The following ZNF319 variants were observed in gnomAD, a reference collection of about 807,000 sequenced individuals.
ZNF319 encodes zinc finger protein 319.
In ZNF319, 15 loss-of-function variants were observed where a neutral mutation model predicts 46.0. That is an observed-to-expected ratio of 0.33 (90% CI 0.22 to 0.50). The LOEUF (loss-of-function observed/expected upper bound fraction) is 0.50, where lower values mean the gene tolerates loss of function less well. Ranked by LOEUF, ZNF319 falls within the 20% of genes least tolerant of loss-of-function variation. The pLI is 0.98. For synonymous variants in ZNF319, 368 were observed against 364.0 expected, an observed-to-expected ratio of 1.01 and a Z score of -0.13; for missense variants, 635 against 807.0, an observed-to-expected ratio of 0.79 and a Z score of 2.58.
chr16:57,994,838 T>G lies in ZNF319; in HGVS notation c.*1679A>C, dbSNP rs1962982039. ...CATGAAATTAAACTCTACAATGTTA[T>G]GAATAGTATAACAAACTGCTTTCAG... On this transcript the variant is annotated 3_prime_UTR_variant, in exon 2 of 2. Coordinates refer to ENST00000299237, the MANE Select transcript of ZNF319 (RefSeq NM_020807.3). 1 of 152,246 alleles carries G rather than the reference T, an allele frequency of 6.6e-6. No individual in the cohort carries two copies. The highest frequency in any genetic ancestry group is 6.5e-5 in the Admixed American group (1 of 15,284). 9.4% of individuals were successfully genotyped at this position (152,246 alleles called of 1,614,324 possible). A position where few individuals can be genotyped will look rare whatever the true frequency, so the allele number is the denominator to read the frequency against.
rs765205489 is a variant in ZNF319 at position 57,997,972 on chromosome 16, C to T, written c.294G>A (p.Ala98=). The T allele has an allele frequency of 3.7e-6, 6 of 1,613,404 alleles. No homozygotes were observed. The African/African-American group carries it at 5.3e-5, about 14-fold the overall frequency. The change falls in exon 2 of 2, where the codon GCG becomes GCA. Residue 98 remains alanine (A), a synonymous_variant. Coordinates refer to ENST00000299237, the MANE Select transcript of ZNF319 (RefSeq NM_020807.3). ...LSSPHEHQCL[A]GHDRSFQCTQ... ...TGCACTGGAATGAGCGGTCATGGCCCGCCAGACACTGGTGCTCATGCGGAC... is the reference window on the plus strand; with the variant it reads ...TGCACTGGAATGAGCGGTCATGGCCTGCCAGACACTGGTGCTCATGCGGAC...
Position 57,997,508 on chromosome 16 carries a change from C to T in ZNF319, c.758G>A (p.Ser253Asn). The change falls in exon 2 of 2, where the codon AGC (serine) becomes AAC (asparagine). Residue 253 changes from serine to asparagine, a missense_variant. Coordinates refer to ENST00000299237, the MANE Select transcript of ZNF319 (RefSeq NM_020807.3). ...TGCGCACTTGTAGGGCCGCTCGGAG[C>T]TGTGCGTGCGCTTGTGGTGCACCAG... ...SHLVHHKRTH[S>N]SERPYKCAVC... The T allele has an allele frequency of 6.2e-7, 1 of 1,613,904 alleles. No individual in the cohort carries two copies. Among genetic ancestry groups the T allele is most frequent in the Non-Finnish European group, 8.5e-7 (1 of 1,179,896 alleles).
rs1963016096 is a variant in ZNF319 at position 57,996,514 on chromosome 16, G to C, written c.*3C>G. On this transcript the variant is annotated 3_prime_UTR_variant, in exon 2 of 2. Coordinates refer to ENST00000299237, the MANE Select transcript of ZNF319 (RefSeq NM_020807.3). ...CAGGCTGGTAGGGGCCACAGCCGCA[G>C]AGTCAGGGCAGGCAGGCGGCTACCT... 6.6e-7 allele frequency: 1 copy of C among 1,520,728 alleles called. No homozygotes were observed. Among genetic ancestry groups the C allele is most frequent in the African/African-American group, 1.4e-5 (1 of 72,606 alleles). The allele number at this position is 1,520,728 out of a possible 1,614,324, so 94.2% of individuals were successfully genotyped here.
chr16:57,996,139 T>G lies in ZNF319; in HGVS notation c.*378A>C. 11 of 237,314 alleles carry G rather than the reference T, an allele frequency of 4.6e-5. No homozygotes were observed. Among genetic ancestry groups the G allele is most frequent in the Middle Eastern group, 1.4e-3 (1 of 738 alleles). 14.7% of individuals were successfully genotyped at this position (237,314 alleles called of 1,614,324 possible). ...CCTATGTGGCTGCTAGCTTGAAAGA[T>G]ATGGGAAGGTTGGGCTGGCATCACA... On this transcript the variant is annotated 3_prime_UTR_variant, in exon 2 of 2. Transcript: ENST00000299237.
rs1175852709 is a variant in ZNF319, at chr16:57,997,235, T to C, written c.1031A>G (p.Lys344Arg). The C allele has an allele frequency of 6.2e-6, 10 of 1,612,924 alleles. No individual in the cohort carries two copies. The highest frequency in any genetic ancestry group is 7.6e-6 in the Non-Finnish European group (9 of 1,179,886). Residue 344 changes from lysine to arginine, a missense_variant, in exon 2 of 2, where the codon AAG becomes AGG. Coordinates refer to ENST00000299237, the MANE Select transcript of ZNF319 (RefSeq NM_020807.3). ...GAAGCCCATGGGGCACAGGTCGCAC[T>C]TGAAGGGCCGCTCGGCGCTGTGTGT... is the stretch of plus-strand genomic sequence containing the variant. ...ERTHSAERPF[K>R]CDLCPMGFKQ... is the part of the protein sequence containing the mutation.
rs201171999 is a variant in ZNF319, at chr16:57,997,153, G to A, written c.1113C>T (p.Phe371=). The change falls in exon 2 of 2, where the codon TTC becomes TTT. Residue 371 remains phenylalanine, a synonymous_variant. Coordinates refer to ENST00000299237, the MANE Select transcript of ZNF319 (RefSeq NM_020807.3). ...HRRTHKTEEP[F]KCGLCEKGFG... The stretch of plus-strand genomic sequence containing the variant: ...AGCCCTTCTCACATAGGCCGCATTT[G>A]AAGGGCTCCTCGGTCTTGTGTGTGC... The A allele has an allele frequency of 6.2e-7, 1 of 1,614,004 alleles. No individual in the cohort carries two copies. Among genetic ancestry groups the A allele is most frequent in the African/African-American group, 1.3e-5 (1 of 75,038 alleles).
chr16:57,998,458 T>C lies in ZNF319; in HGVS notation c.-193A>G, dbSNP rs552220121. The C allele has an allele frequency of 4.8e-6, 4 of 824,854 alleles. No homozygotes were observed. The highest frequency in any genetic ancestry group is 3.4e-5 in the African/African-American group (2 of 58,320). 51.1% of individuals were successfully genotyped at this position (824,854 alleles called of 1,614,324 possible). Reference sequence around the variant, plus strand: ...ACTACAAGGCTCTGCCTACAGGACATGGGGGCTCTTCAAGGGAGGGTCCCA... The same window carrying C: ...ACTACAAGGCTCTGCCTACAGGACACGGGGGCTCTTCAAGGGAGGGTCCCA... On this transcript the variant is annotated 5_prime_UTR_variant, in exon 2 of 2. The change abolishes an upstream ATG in the 5' untranslated region. Transcript: ENST00000299237.
rs753467931 is a variant in ZNF319 at position 57,997,998 on chromosome 16, T to C, written c.268A>G (p.Ser90Gly). The change falls in exon 2 of 2, where the codon AGT becomes GGT. Residue 90 changes from serine to glycine, a missense_variant. Coordinates refer to ENST00000299237, the MANE Select transcript of ZNF319 (RefSeq NM_020807.3). ...GCCAGACACTGGTGCTCATGCGGACTGGACAGGTGCGCCAGGTCGTGACCA... is the reference window on the plus strand; with the variant it reads ...GCCAGACACTGGTGCTCATGCGGACCGGACAGGTGCGCCAGGTCGTGACCA... ...VCGHDLAHLS[S>G]PHEHQCLAGH... is the part of the protein sequence containing the mutation. The C allele has an allele frequency of 6.8e-6, 11 of 1,613,214 alleles. No individual in the cohort carries two copies. The South Asian group carries it at 9.9e-5, about 14-fold the overall frequency.
In ZNF319 at chr16:57,995,581, G is replaced by C. The variant is rs560364210; in HGVS notation, c.*936C>G. 6.5e-6 allele frequency: 1 copy of C among 152,906 alleles called. No homozygotes were observed. The highest frequency in any genetic ancestry group is 1.5e-5 in the Non-Finnish European group (1 of 68,144). 9.5% of individuals were successfully genotyped at this position (152,906 alleles called of 1,614,324 possible). A position where few individuals can be genotyped will look rare whatever the true frequency, so the allele number is the denominator to read the frequency against. On this transcript the variant is annotated 3_prime_UTR_variant, in exon 2 of 2. Transcript: ENST00000299237. ...TGACGCTTTGGTTCACACAATTCAGGGGAGGACACTTGTTTGCATCTGCTG... is the reference window on the plus strand; with the variant it reads ...TGACGCTTTGGTTCACACAATTCAGCGGAGGACACTTGTTTGCATCTGCTG...
In ZNF319 at chr16:57,997,106, A is replaced by C; in HGVS notation, c.1160T>G (p.Leu387Arg). The C allele has an allele frequency of 6.2e-7, 1 of 1,614,054 alleles. No individual in the cohort carries two copies. Residue 387 changes from leucine to arginine, a missense_variant, in exon 2 of 2, where the codon CTC becomes CGC. Transcript: ENST00000299237. ...EKGFGQPSHL[L>R]YHQHVHTLET... ...GAGGGTGTGCACGTGCTGGTGGTAGAGCAGGTGGCTGGGCTGCCCAAAGCC... is the reference window on the plus strand; with the variant it reads ...GAGGGTGTGCACGTGCTGGTGGTAGCGCAGGTGGCTGGGCTGCCCAAAGCC...
Position 57,996,494 on chromosome 16 carries a change from TGGTAGGGGCCACA to T in ZNF319, c.*10_*22del. 2.0e-6 allele frequency: 3 copies of T among 1,495,840 alleles called. No individual in the cohort carries two copies. The highest frequency in any genetic ancestry group is 8.9e-7 in the Non-Finnish European group (1 of 1,126,520). 92.7% of individuals were successfully genotyped at this position (1,495,840 alleles called of 1,614,324 possible). A position where few individuals can be genotyped will look rare whatever the true frequency, so the allele number is the denominator to read the frequency against. On this transcript the variant is annotated 3_prime_UTR_variant, in exon 2 of 2. Transcript: ENST00000299237. ...CCCACGGCGCCGACTCAGGTCAGGC[TGGTAGGGGCCACA>T]GCCGCAGAGTCAGGGCAGGCAGGCG... is the stretch of plus-strand genomic sequence containing the variant.
chr16:57,997,858 G>T lies in ZNF319; in HGVS notation c.408C>A (p.Val136=). ...QAEQKPFVCG[V]CKMGFSLLTS... is the part of the protein sequence containing the mutation. ...TGAGTAGTGAGAAGCCCATCTTGCA[G>T]ACCCCACAGACGAAGGGCTTCTGCT... is the stretch of plus-strand genomic sequence containing the variant. Residue 136 remains valine, a synonymous_variant, in exon 2 of 2, where the codon GTC becomes GTA. Coordinates refer to ENST00000299237, the MANE Select transcript of ZNF319 (RefSeq NM_020807.3). 1 of 1,613,122 alleles carries T rather than the reference G, an allele frequency of 6.2e-7. No individual in the cohort carries two copies. The highest frequency in any genetic ancestry group is 8.5e-7 in the Non-Finnish European group (1 of 1,180,042).
rs3743557 is a variant in ZNF319 at position 57,998,134 on chromosome 16, G to C, written c.132C>G (p.Pro44=). 2.6e-4 allele frequency: 418 copies of C among 1,593,866 alleles called. 5 individuals carry two copies. The East Asian group carries it at 9.1e-3, about 35-fold the overall frequency. ...HTLPPGTAEN[P]LGCAVYGILL... is the part of the protein sequence containing the mutation. ...GGATGCCATAGACGGCACAGCCCAG[G>C]GGGTTCTCCGCCGTGCCCGGAGGCA... The change falls in exon 2 of 2, where the codon CCC becomes CCG. Residue 44 remains proline, a synonymous_variant. Transcript: ENST00000299237.
Position 57,997,410 on chromosome 16 carries a change from GGT to G in ZNF319, c.854_855del (p.His285ProfsTer49). On this transcript the variant is annotated frameshift_variant, in exon 2 of 2. Coordinates refer to ENST00000299237, the MANE Select transcript of ZNF319 (RefSeq NM_020807.3). LOFTEE classifies it high-confidence loss of function. ...AACTCGCACACGTTGCAGCGGAACA[GGT>G]GGTGCTCGCCCGAGTGCGCGTACAT... ...RHMYAHSGEH[H>X]LFRCNVCELH... The G allele has an allele frequency of 6.2e-7, 1 of 1,612,586 alleles. No homozygotes were observed.
In ZNF319 at chr16:57,996,376, C is replaced by G. The variant is rs1433009231; in HGVS notation, c.*141G>C. ...ACCCTCTCCCTGCCTCATACCCCTG[C>G]GTCCTCACTCCCGAGGTCTCAGAAC... On this transcript the variant is annotated 3_prime_UTR_variant, in exon 2 of 2. Coordinates refer to ENST00000299237, the MANE Select transcript of ZNF319 (RefSeq NM_020807.3). 7.1e-7 allele frequency: 1 copy of G among 1,418,310 alleles called. No homozygotes were observed. The highest frequency in any genetic ancestry group is 9.2e-7 in the Non-Finnish European group (1 of 1,086,550). The allele number at this position is 1,418,310 out of a possible 1,614,324, so 87.9% of individuals were successfully genotyped here. A position where few individuals can be genotyped will look rare whatever the true frequency, so the allele number is the denominator to read the frequency against.
In ZNF319 at chr16:57,995,708, C is replaced by A. The variant is rs888787556; in HGVS notation, c.*809G>T. The A allele has an allele frequency of 1.3e-5, 2 of 152,506 alleles. No individual in the cohort carries two copies. Among genetic ancestry groups the A allele is most frequent in the Non-Finnish European group, 2.9e-5 (2 of 68,072 alleles). 9.4% of individuals were successfully genotyped at this position (152,506 alleles called of 1,614,324 possible). On this transcript the variant is annotated 3_prime_UTR_variant, in exon 2 of 2. Transcript: ENST00000299237. ...CTGTCTGCTGAGAGCACGGCACATT[C>A]CCCACCACACCTAGGAACTGCACTA...
At position 57,996,333 on chromosome 16, in the gene ZNF319, C is replaced by A. The variant is rs941050800; in HGVS notation, c.*184G>T. On this transcript the variant is annotated 3_prime_UTR_variant, in exon 2 of 2. Coordinates refer to ENST00000299237, the MANE Select transcript of ZNF319 (RefSeq NM_020807.3). The stretch of plus-strand genomic sequence containing the variant: ...GGCCGCCCGCACTGCCCGCTGGTGC[C>A]AGGAGTACGAGCGGCACACCCTCTC... 3.2e-6 allele frequency: 4 copies of A among 1,258,652 alleles called. No individual in the cohort carries two copies. In the African/African-American group the frequency reaches 6.1e-5, roughly 19 times the overall value. The allele number at this position is 1,258,652 out of a possible 1,614,324, so 78.0% of individuals were successfully genotyped here.
chr16:57,995,664 G>C lies in ZNF319; in HGVS notation c.*853C>G, dbSNP rs1446349406. ...AGCCTCAGGTGGGCTGACAATCCCT[G>C]CCTTTCACACCAGCAGTTCTGTCTG... On this transcript the variant is annotated 3_prime_UTR_variant, in exon 2 of 2. Coordinates refer to ENST00000299237, the MANE Select transcript of ZNF319 (RefSeq NM_020807.3). 1 of 152,732 alleles carries C rather than the reference G, an allele frequency of 6.5e-6. No individual in the cohort carries two copies. The highest frequency in any genetic ancestry group is 1.5e-5 in the Non-Finnish European group (1 of 68,174). The allele number at this position is 152,732 out of a possible 1,614,324, so 9.5% of individuals were successfully genotyped here.
chr16:57,998,334 G>A lies in ZNF319; in HGVS notation c.-69C>T. On this transcript the variant is annotated 5_prime_UTR_variant, in exon 2 of 2. Coordinates refer to ENST00000299237, the MANE Select transcript of ZNF319 (RefSeq NM_020807.3). ...TTCCCGCTTCACGTGACCCAATCCA[G>A]AGAGAGAAGCTGCCCAATCACAGAG... The A allele has an allele frequency of 6.6e-7, 1 of 1,509,000 alleles. No individual in the cohort carries two copies. The highest frequency in any genetic ancestry group is 8.9e-7 in the Non-Finnish European group (1 of 1,128,270). 93.5% of individuals were successfully genotyped at this position (1,509,000 alleles called of 1,614,324 possible).
Sources: allele counts gnomAD v4.1 joint callset, GRCh38; gene constraint gnomAD v4.1.1; transcripts MANE v1.5; gene names NCBI Gene and HGNC (gene_info 2026-07-23, HGNC 2026-07-21).